The following UBAP1 variants were observed in gnomAD, a reference collection of about 807,000 sequenced individuals.
UBAP1 encodes ubiquitin-associated protein 1.
In UBAP1, 5 loss-of-function variants were observed where a neutral mutation model predicts 39.0. The ratio of observed to expected loss-of-function variants is 0.13; its 90% confidence interval spans 0.07 to 0.27. The LOEUF is 0.27. Ranked by LOEUF, UBAP1 falls within the 10% of genes least tolerant of loss-of-function variation. The pLI is 1.00. For missense variants in UBAP1, 490 were observed against 608.1 expected, an observed-to-expected ratio of 0.81 and a Z score of 2.04; for synonymous variants, 211 against 225.1, an observed-to-expected ratio of 0.94 and a Z score of 0.56.
At chr9:34,233,559 C>T (rs1428536653) in intron 2 of UBAP1, among the ~76,000 whole-genome samples, 1 of 151,976 alleles carries the variant, frequency 6.6e-6, no homozygotes, top group Non-Finnish European at 1.5e-5. Context: ...GTGTGCCAGG[C>T]AATACTGAAG....
chr9:34,251,329 C>T (rs948051055), intron 6 of UBAP1, 63 bp from the exon 7 acceptor site: 5 of 1,564,508 alleles, frequency 3.2e-6, no homozygotes, highest in African/African-American at 1.4e-5. Flanking sequence ...ACACACACTC[C>T]TTCACTCAGC....
At chr9:34,194,313 C>G (rs192469257) in intron 1 of UBAP1, among the ~76,000 whole-genome samples, 5 of 151,154 alleles carry the variant, frequency 3.3e-5, no homozygotes. Flanking sequence ...AAGAAAAATT[C>G]TCTCTCTTTT....
At chr9:34,204,452 T>C (rs1831574477) in intron 1 of UBAP1, among the ~76,000 whole-genome samples, 1 of 152,314 alleles carries the variant, frequency 6.6e-6, no homozygotes, top group Non-Finnish European at 1.5e-5. Flanking sequence ...CAAGTAAGTA[T>C]ACACAGTCCA....
intron 1 of UBAP1, among the ~76,000 whole-genome samples, chr9:34,211,648 G>A (rs973387632): frequency 5.9e-5 from 9 of 152,108 alleles, no homozygotes; most frequent in African/African-American, 1.9e-4. Flanking sequence ...CTGGTCCTTC[G>A]CAAGGTGTTT....
intron 1 of UBAP1, among the ~76,000 whole-genome samples, chr9:34,202,624 C>CCTGTGTGTGTGTGTGTGTGTGTGT (rs1491103579): frequency 0.021 from 2,248 of 107,206 alleles, 456 homozygotes; most frequent in East Asian, 0.043. Context: ...TAGACAGAAA[C>CCTGTGTGTGTGTGTGTGTGTGTGT]GTGTGTGTGT....
In UBAP1 at chr9:34,188,423, C is replaced by CA. The variant is rs1261307130; in HGVS notation, c.-8+9183_-8+9184insA. ...TTTGAATGCTAAACTTAGTCTTCAG[C>CA]TTTTTTTTTTTTTTTTTTTTTTTTA... On this transcript the variant is annotated intron_variant, in intron 1 of 6. Transcript: ENST00000297661. Among the ~76,000 whole-genome samples, 567 of 117,204 alleles carry CA rather than the reference C, an allele frequency of 4.8e-3. 2 individuals carry two copies. Among genetic ancestry groups the CA allele is most frequent in the African/African-American group, 0.016 (482 of 30,984 alleles). The allele number at this position is 117,204 out of a possible 152,430, so 76.9% of individuals were successfully genotyped here.
At chr9:34,182,496 G>A (rs986917750) in intron 1 of UBAP1, among the ~76,000 whole-genome samples, 12 of 152,072 alleles carry the variant, frequency 7.9e-5, no homozygotes, top group African/African-American at 1.2e-4. Flanking sequence ...GATCCCTGAC[G>A]TTTAATTCAG....
At chr9:34,208,498 C>T (rs952534154) in intron 1 of UBAP1, among the ~76,000 whole-genome samples, 5 of 152,066 alleles carry the variant, frequency 3.3e-5, no homozygotes, top group Non-Finnish European at 5.9e-5. Context: ...AAAAAATTAG[C>T]CGGGCGCGGT....
intron 2 of UBAP1, 43 bp downstream of exon 2, chr9:34,220,991 C>T: frequency 6.3e-7 from 1 of 1,575,304 alleles, no homozygotes; most frequent in African/African-American, 1.3e-5. Context: ...ATGATTTGAT[C>T]AGAGGATTTG....
At chr9:34,203,390 T>A (rs1243657424) in intron 1 of UBAP1, among the ~76,000 whole-genome samples, 1 of 152,200 alleles carries the variant, frequency 6.6e-6, no homozygotes, top group African/African-American at 2.4e-5. Context: ...GTTTTTGGTA[T>A]CAGTGTTATG....
At chr9:34,188,478 G>A (rs1403862386) in intron 1 of UBAP1, among the ~76,000 whole-genome samples, 1 of 146,400 alleles carries the variant, frequency 6.8e-6, no homozygotes, top group African/African-American at 2.5e-5. Context: ...TGGTACCCAG[G>A]TTGGTCTTAA....
At chr9:34,212,668 G>C (rs1446391321) in intron 1 of UBAP1, among the ~76,000 whole-genome samples, 1 of 151,966 alleles carries the variant, frequency 6.6e-6, no homozygotes, top group Admixed American at 6.6e-5. Flanking sequence ...GGAGGAATTG[G>C]ATACCCTGAA....
intron 2 of UBAP1, among the ~76,000 whole-genome samples, chr9:34,233,225 C>CTTT (rs59367501): frequency 0.32 from 45,053 of 141,712 alleles, 8,904 homozygotes; most frequent in Non-Finnish European, 0.44. Flanking sequence ...TCTTTCTCTT[C>CTTT]TTTTTTTTTT....
At chr9:34,233,754 A>G (rs1361544263) in intron 2 of UBAP1, among the ~76,000 whole-genome samples, 1 of 152,172 alleles carries the variant, frequency 6.6e-6, no homozygotes, top group Non-Finnish European at 1.5e-5. Flanking sequence ...ACTTTTAAGT[A>G]GGGCGGGTCA....
intron 2 of UBAP1, among the ~76,000 whole-genome samples, chr9:34,231,127 ATGTGTGTGTGTG>A (rs6150983): frequency 0.026 from 3,618 of 137,102 alleles, 110 homozygotes; most frequent in East Asian, 0.14. Flanking sequence ...TAAAAAAATT[ATGTGTGTGTGTG>A]TGTGTGTGTG....
chr9:34,218,481 A>G (rs1234815832), intron 1 of UBAP1, among the ~76,000 whole-genome samples: 1 of 149,908 alleles, frequency 6.7e-6, no homozygotes, highest in Non-Finnish European at 1.5e-5. Context: ...GGTTATAGAA[A>G]TGAAACACTA....
intron 1 of UBAP1, among the ~76,000 whole-genome samples, chr9:34,189,407 G>A (rs939879848): frequency 6.6e-6 from 1 of 151,298 alleles, no homozygotes; most frequent in South Asian, 2.1e-4. Flanking sequence ...TAGGCTGGTC[G>A]CAAACTCCTG....
Position 34,181,731 on chromosome 9 carries a change from CTT to C in UBAP1, c.-8+2507_-8+2508del, listed in dbSNP as rs547723861. ...ACAGGCGTGAGCCACCGTGCCAGGC[CTT>C]TTTTTTTTTTTTTTTAATGAAGGCA... On this transcript the variant is annotated intron_variant, in intron 1 of 6. Coordinates refer to ENST00000297661, the MANE Select transcript of UBAP1 (RefSeq NM_016525.5). Among the ~76,000 whole-genome samples, 181 of 119,698 alleles carry C rather than the reference CTT, an allele frequency of 1.5e-3. 7 individuals carry two copies. The highest frequency in any genetic ancestry group is 3.6e-3 in the African/African-American group (113 of 31,248). 78.5% of individuals were successfully genotyped at this position (119,698 alleles called of 152,430 possible).
intron 1 of UBAP1, among the ~76,000 whole-genome samples, chr9:34,192,733 C>A (rs983791549): frequency 4.6e-5 from 7 of 151,966 alleles, no homozygotes; most frequent in East Asian, 1.9e-4. Context: ...AGCCACCAAG[C>A]CTGGCTAATG....
Sources: gnomAD v4.1 joint callset for allele counts (sites outside exome capture counted in the v4.1 genomes callset) on GRCh38, gnomAD v4.1.1 for gene constraint, MANE v1.5 for transcripts, NCBI Gene and HGNC (gene_info 2026-07-23, HGNC 2026-07-21) for gene names.